The following PRKN variants were observed in gnomAD, a reference collection of about 807,000 sequenced individuals.
PRKN encodes the protein parkin RBR E3 ubiquitin protein ligase.
In PRKN, 56 loss-of-function variants were observed where a neutral mutation model predicts 59.5. The ratio of observed to expected loss-of-function variants is 0.94; its 90% CI spans 0.76 to 1.18. PRKN has a LOEUF of 1.18. PRKN is among the 50% of genes most tolerant of loss of function. The pLI is 0.00. For missense variants in PRKN, 657 were observed against 596.4 expected, an observed-to-expected ratio of 1.10 and a Z score of -1.06; for synonymous variants, 250 against 222.1, an observed-to-expected ratio of 1.13 and a Z score of -1.12.
At chr6:161,905,492 G>C (rs1778106097) in intron 6 of PRKN, among the ~76,000 whole-genome samples, 2 of 152,130 alleles carry the variant, frequency 1.3e-5, no homozygotes, top group African/African-American at 2.4e-5. Flanking sequence ...AAGCAACACA[G>C]GGATTCCCCA....
intron 9 of PRKN, among the ~76,000 whole-genome samples, chr6:161,436,300 GGCCGGGATGGGAGGGCAGAGAGGAGGA>G (rs1562448134): frequency 1.8e-5 from 1 of 55,320 alleles, no homozygotes; most frequent in African/African-American, 6.3e-5. Context: ...AGAGAGCAGG[GGCCGGGATGGGAGGGCAGAGAGGAGGA>G]GGCGGGATGG....
chr6:161,914,709 C>T (rs1240278914), intron 6 of PRKN, among the ~76,000 whole-genome samples: 1 of 151,912 alleles, frequency 6.6e-6, no homozygotes, highest in East Asian at 1.9e-4. Context: ...CAAACACTGT[C>T]CCTCCTTTCT....
At chr6:162,683,967 A>C (rs965875624) in intron 1 of PRKN, among the ~76,000 whole-genome samples, 1 of 152,160 alleles carries the variant, frequency 6.6e-6, no homozygotes, top group African/African-American at 2.4e-5. Flanking sequence ...AAAGTAGAAT[A>C]GTATGAAGAA....
chr6:162,428,882 C>A (rs1789372933), intron 2 of PRKN, among the ~76,000 whole-genome samples: 1 of 152,118 alleles, frequency 6.6e-6, no homozygotes, highest in South Asian at 2.1e-4. Context: ...GTCCTTTGCT[C>A]CCTCTCTCTG....
chr6:161,762,785 G>T (rs897371939), intron 7 of PRKN, among the ~76,000 whole-genome samples: 2 of 152,060 alleles, frequency 1.3e-5, no homozygotes, highest in African/African-American at 4.8e-5. Flanking sequence ...CTACATTCTA[G>T]GCCACCATTG....
chr6:162,699,533 T>C (rs1274977433), intron 1 of PRKN, among the ~76,000 whole-genome samples: 1 of 152,212 alleles, frequency 6.6e-6, no homozygotes, highest in Admixed American at 6.5e-5. Context: ...ATCAAGAATA[T>C]GGGTTTTAAT....
At chr6:162,707,386 A>G (rs1778374484) in intron 1 of PRKN, among the ~76,000 whole-genome samples, 1 of 152,200 alleles carries the variant, frequency 6.6e-6, no homozygotes, top group African/African-American at 2.4e-5. Context: ...CAATACTCTC[A>G]GAACAGAGTA....
intron 1 of PRKN, among the ~76,000 whole-genome samples, chr6:162,532,547 G>A (rs370561175): frequency 1.7e-3 from 259 of 152,196 alleles, no homozygotes; most frequent in African/African-American, 6.0e-3. Context: ...AGATGTCCTC[G>A]AGGGTGCTAA....
At chr6:161,911,344 A>G (rs557737699) in intron 6 of PRKN, among the ~76,000 whole-genome samples, 1 of 152,310 alleles carries the variant, frequency 6.6e-6, no homozygotes, top group East Asian at 1.9e-4. Flanking sequence ...AATATAATAC[A>G]GATGAATTTA....
chr6:161,606,078 T>G (rs1207623644), intron 7 of PRKN, among the ~76,000 whole-genome samples: 1 of 152,188 alleles, frequency 6.6e-6, no homozygotes, highest in Non-Finnish European at 1.5e-5. Context: ...AAGTGTTTTC[T>G]TTTCATGGAC....
intron 4 of PRKN, among the ~76,000 whole-genome samples, chr6:162,194,063 C>T (rs1167128472): frequency 6.6e-6 from 1 of 151,994 alleles, no homozygotes; most frequent in African/African-American, 2.4e-5. Context: ...AACAGAAAAA[C>T]AACTAAAATA....
intron 1 of PRKN, among the ~76,000 whole-genome samples, chr6:162,707,125 A>AG (rs1778365711): frequency 6.6e-6 from 1 of 151,966 alleles, no homozygotes; most frequent in African/African-American, 2.4e-5. Flanking sequence ...CTAATGAGAA[A>AG]AAAGCAGAGT....
chr6:161,494,570 G>A lies in PRKN; in HGVS notation c.1083+54284C>T, dbSNP rs1438206945. ...AAATCTGTTTGTGCAAGGAGGCACT[G>A]GATTGAACTGAATTTCTAGTTTCTT... On this transcript the variant is annotated intron_variant, in intron 9 of 11. Transcript: ENST00000366898. 2.6e-5 allele frequency among the ~76,000 whole-genome samples: 4 copies of A among 152,176 alleles called. No individual in the cohort carries two copies. The East Asian group carries it at 7.7e-4, about 29-fold the overall frequency.
intron 6 of PRKN, 137 bp downstream of exon 6, chr6:161,973,165 C>T: frequency 1.4e-6 from 1 of 696,962 alleles, no homozygotes; most frequent in East Asian, 2.7e-5. Context: ...AGCAGACACT[C>T]CCCAGGAAAG....
chr6:162,154,353 A>G (rs1782409027), intron 4 of PRKN, among the ~76,000 whole-genome samples: 1 of 152,172 alleles, frequency 6.6e-6, no homozygotes, highest in African/African-American at 2.4e-5. Flanking sequence ...AAATGCCTGA[A>G]AATTTGGTTT....
At chr6:162,107,875 T>C (rs1217459897) in intron 4 of PRKN, among the ~76,000 whole-genome samples, 3 of 152,180 alleles carry the variant, frequency 2.0e-5, no homozygotes, top group African/African-American at 7.2e-5. Flanking sequence ...AGTCTTTGAC[T>C]TTTTCTCTAA....
intron 6 of PRKN, among the ~76,000 whole-genome samples, chr6:161,816,024 C>T (rs1791765021): frequency 6.6e-6 from 1 of 152,106 alleles, no homozygotes; most frequent in South Asian, 2.1e-4. Flanking sequence ...AGAGAAAACC[C>T]GTGTGCATGC....
In PRKN at chr6:162,461,804, C is replaced by T. The variant is rs149359014; in HGVS notation, c.8-18331G>A. ...TCACGCCACTGCACTGCAGCCTGGG[C>T]GACAGGCTGAGACTTCGTCTAAAAA... On this transcript the variant is annotated intron_variant, in intron 1 of 11. Coordinates refer to ENST00000366898, the MANE Select transcript of PRKN (RefSeq NM_004562.3). 4.7e-3 allele frequency among the ~76,000 whole-genome samples: 694 copies of T among 147,542 alleles called. 7 individuals are homozygous for T. Among genetic ancestry groups the T allele is most frequent in the African/African-American group, 0.017 (670 of 39,886 alleles).
At chr6:161,666,914 G>A (rs930401551) in intron 7 of PRKN, among the ~76,000 whole-genome samples, 3 of 152,140 alleles carry the variant, frequency 2.0e-5, no homozygotes, top group African/African-American at 7.2e-5. Flanking sequence ...AGTAGGCGGT[G>A]GACCTTCATG....
Sources: allele counts gnomAD v4.1 joint callset (sites outside exome capture counted in the v4.1 genomes callset), GRCh38; gene constraint gnomAD v4.1.1; transcripts MANE v1.5; gene names NCBI Gene and HGNC (gene_info 2026-07-23, HGNC 2026-07-21).